ETNK1: variants seen among roughly 807,000 people sequenced by gnomAD.
ETNK1 encodes ethanolamine kinase 1, also known as putative protein product of Nbla10396.
Under a neutral mutation model 45.1 loss-of-function variants are expected in ETNK1, and 8 were observed. That is an observed-to-expected ratio of 0.18 (90% CI 0.10 to 0.32). The LOEUF (loss-of-function observed/expected upper bound fraction) is 0.32, where lower values mean the gene tolerates loss of function less well. ETNK1 is among the 10% of genes least tolerant of loss of function. The probability of loss-of-function intolerance (pLI) is 1.00; values close to 1 mark genes in which losing one functional copy is unlikely to be tolerated. For missense variants in ETNK1, 302 were observed against 430.6 expected (o/e 0.70, Z 2.64); for synonymous variants, 152 against 151.9 (o/e 1.00, Z -0.01).
At position 22,690,311 on chromosome 12, in the gene ETNK1, A is replaced by G. The variant is rs1954293291; in HGVS notation, c.*5357A>G. The G allele has an allele frequency of 6.6e-6, 1 of 152,478 alleles. No individual in the cohort carries two copies. The highest frequency in any genetic ancestry group is 6.5e-5 in the Admixed American group (1 of 15,278). 9.4% of individuals were successfully genotyped at this position (152,478 alleles called of 1,614,324 possible). On this transcript the variant is annotated 3_prime_UTR_variant, in exon 8 of 8. Transcript: ENST00000266517. ...AATTTGTTAATCTGTTTGATAATGA[A>G]GATACTTCCTGTTTTCTTGTTTCAT...
chr12:22,684,305 GTAGCCATC>G (rs1367054945), intron 6 of ETNK1, among the ~76,000 whole-genome samples, 170 bp from the exon 7 acceptor site: 1 of 152,046 alleles, frequency 6.6e-6, no homozygotes, highest in Non-Finnish European at 1.5e-5. Context: ...AAAGTGATCT[GTAGCCATC>G]TAGTGGGTGC....
At position 22,644,065 on chromosome 12, in the gene ETNK1, A is replaced by C. The variant is rs1386839222; in HGVS notation, c.416+43A>C. 2.0e-6 allele frequency: 3 copies of C among 1,532,896 alleles called. No homozygotes were observed. In the Admixed American group the frequency reaches 6.1e-5, roughly 31 times the overall value. 95.0% of individuals were successfully genotyped at this position (1,532,896 alleles called of 1,614,324 possible). A position where few individuals can be genotyped will look rare whatever the true frequency, so the allele number is the denominator to read the frequency against. ...AATTTTTCCTTTTGAAAAATAGGGC[A>C]TTTAAGTGCATTAAGGAAATATTTT... On this transcript the variant is annotated intron_variant, in intron 2 of 7. Transcript: ENST00000266517.
At chr12:22,635,262 C>T (rs548345162) in intron 1 of ETNK1, among the ~76,000 whole-genome samples, 1 of 152,338 alleles carries the variant, frequency 6.6e-6, no homozygotes, top group South Asian at 2.1e-4. Flanking sequence ...TGTCACCTGG[C>T]TCACCTTCAG....
At position 22,689,189 on chromosome 12, in the gene ETNK1, T is replaced by C. The variant is rs1954284193; in HGVS notation, c.*4235T>C. Reference sequence around the variant, plus strand: ...TTCATTTCTGGATTGCAGTTTGAAATGGAATGAAGACCTGAATTATTTGGG... The same window carrying C: ...TTCATTTCTGGATTGCAGTTTGAAACGGAATGAAGACCTGAATTATTTGGG... On this transcript the variant is annotated 3_prime_UTR_variant, in exon 8 of 8. Coordinates refer to ENST00000266517, the MANE Select transcript of ETNK1 (RefSeq NM_018638.5). The C allele has an allele frequency of 6.6e-6, 1 of 151,972 alleles. No homozygotes were observed. The highest frequency in any genetic ancestry group is 1.5e-5 in the Non-Finnish European group (1 of 67,826). The allele number at this position is 151,972 out of a possible 1,614,324, so 9.4% of individuals were successfully genotyped here.
chr12:22,690,642 CAAT>C lies in ETNK1; in HGVS notation c.*5691_*5693del, dbSNP rs750553462. Reference sequence around the variant, plus strand: ...TTCTGTAAATAAAAATTCGTTGTAACAATAAAGTTGAGTTCTAACTACAGTGTA... The same window carrying C: ...TTCTGTAAATAAAAATTCGTTGTAACAAAGTTGAGTTCTAACTACAGTGTA... On this transcript the variant is annotated 3_prime_UTR_variant, in exon 8 of 8. Coordinates refer to ENST00000266517, the MANE Select transcript of ETNK1 (RefSeq NM_018638.5). The C allele has an allele frequency of 6.6e-5, 10 of 152,506 alleles. No homozygotes were observed. Among genetic ancestry groups the C allele is most frequent in the Non-Finnish European group, 1.0e-4 (7 of 67,900 alleles). 9.4% of individuals were successfully genotyped at this position (152,506 alleles called of 1,614,324 possible).
At chr12:22,666,934 G>GA (rs767804439) in intron 4 of ETNK1, among the ~76,000 whole-genome samples, 4 of 152,148 alleles carry the variant, frequency 2.6e-5, no homozygotes, top group Admixed American at 1.3e-4. Flanking sequence ...TAATGACTGA[G>GA]AAGAGTTTTT....
intron 4 of ETNK1, among the ~76,000 whole-genome samples, chr12:22,670,667 C>T (rs1436861732): frequency 1.3e-5 from 2 of 152,084 alleles, no homozygotes; most frequent in Non-Finnish European, 2.9e-5. Context: ...CTTATTGCAC[C>T]GTAATGCTGC....
chr12:22,659,327 C>G (rs908255283), intron 3 of ETNK1, among the ~76,000 whole-genome samples, 173 bp downstream of exon 3: 4 of 152,162 alleles, frequency 2.6e-5, no homozygotes, highest in Admixed American at 2.6e-4. Flanking sequence ...ATAACTGCCT[C>G]TCCATCCCCC....
intron 6 of ETNK1, among the ~76,000 whole-genome samples, chr12:22,679,250 C>G (rs1954190326): frequency 6.6e-6 from 1 of 152,176 alleles, no homozygotes; most frequent in African/African-American, 2.4e-5. Flanking sequence ...CCCAAGAGCC[C>G]CCTGGCAAAC....
intron 1 of ETNK1, among the ~76,000 whole-genome samples, chr12:22,639,910 C>T (rs76067372): frequency 0.022 from 3,381 of 152,154 alleles, 89 homozygotes; most frequent in African/African-American, 0.051. Flanking sequence ...CATTTGTCAA[C>T]GGGAATTCTT....
chr12:22,665,889 T>C (rs1201887682), intron 4 of ETNK1, among the ~76,000 whole-genome samples: 1 of 152,124 alleles, frequency 6.6e-6, no homozygotes, highest in Non-Finnish European at 1.5e-5. Flanking sequence ...GACAATTCAG[T>C]TTAAGTGCAA....
chr12:22,629,024 T>C (rs1217787026), intron 1 of ETNK1, among the ~76,000 whole-genome samples: 3 of 152,106 alleles, frequency 2.0e-5, no homozygotes. Context: ...ATCATTAAAC[T>C]TCCTGTCTCA....
At chr12:22,627,979 A>G (rs1592107969) in intron 1 of ETNK1, among the ~76,000 whole-genome samples, 1 of 152,106 alleles carries the variant, frequency 6.6e-6, no homozygotes, top group South Asian at 2.1e-4. Flanking sequence ...CATGGAGTAA[A>G]TATATCTCAT....
intron 1 of ETNK1, among the ~76,000 whole-genome samples, chr12:22,626,948 T>C (rs1953509915): frequency 6.6e-6 from 1 of 152,186 alleles, no homozygotes; most frequent in African/African-American, 2.4e-5. Context: ...CTAAAATTTA[T>C]TAAGATGATT....
intron 2 of ETNK1, among the ~76,000 whole-genome samples, chr12:22,646,027 AGAG>A (rs1191515343): frequency 1.3e-5 from 2 of 151,882 alleles, no homozygotes; most frequent in African/African-American, 4.8e-5. Context: ...ACAGTTTTGC[AGAG>A]GAGAAGCAGA....
chr12:22,658,895 C>A, intron 2 of ETNK1, 119 bp from the exon 3 acceptor site: 1 of 1,000,258 alleles, frequency 1.0e-6, no homozygotes, highest in Non-Finnish European at 1.4e-6. Flanking sequence ...AGAGAGAGCA[C>A]AGGTAGGTCT....
chr12:22,639,226 ATT>A (rs1218548084), intron 1 of ETNK1, among the ~76,000 whole-genome samples: 1 of 151,788 alleles, frequency 6.6e-6, no homozygotes, highest in Non-Finnish European at 1.5e-5. Flanking sequence ...TAATTAATTT[ATT>A]TTTTTAGAGA....
chr12:22,681,843 T>C (rs567802566), intron 6 of ETNK1, among the ~76,000 whole-genome samples: 106 of 152,166 alleles, frequency 7.0e-4, no homozygotes, highest in African/African-American at 2.0e-3. Flanking sequence ...ATTTCAAGTA[T>C]ATGAAAAAAA....
At chr12:22,656,831 G>A (rs1300529192) in intron 2 of ETNK1, 10 of 974,854 alleles carry the variant, frequency 1.0e-5, no homozygotes, top group South Asian at 4.7e-5. Flanking sequence ...TATCTGTGAC[G>A]CCCTCCTAAA....
Sources: gnomAD v4.1 joint callset for allele counts (sites outside exome capture counted in the v4.1 genomes callset) on GRCh38, gnomAD v4.1.1 for gene constraint, MANE v1.5 for transcripts, NCBI Gene and HGNC (gene_info 2026-07-23, HGNC 2026-07-21) for gene names.